MBP: variants seen among roughly 807,000 people sequenced by gnomAD.
MBP encodes Golli-MBP.
Under a neutral mutation model 35.8 loss-of-function variants are expected in MBP, and 16 were observed. The ratio of observed to expected loss-of-function variants is 0.45; its 90% CI spans 0.30 to 0.68. The LOEUF is 0.68. Ranked by LOEUF, MBP falls within the 30% of genes least tolerant of loss-of-function variation. MBP has a pLI of 0.08. For missense variants in MBP, 380 were observed against 404.7 expected (o/e 0.94, Z 0.52); for synonymous variants, 143 against 159.6 (o/e 0.90, Z 0.78).
chr18:77,106,255 A>G (rs541894129), intron 1 of MBP, among the ~76,000 whole-genome samples: 15 of 152,300 alleles, frequency 9.8e-5, no homozygotes, highest in African/African-American at 3.1e-4. Flanking sequence ...CCCGAACACA[A>G]TGCAAATTGT....
At chr18:77,089,518 CAGCAGGGG>C (rs1975416263) in intron 2 of MBP, among the ~76,000 whole-genome samples, 3 of 152,218 alleles carry the variant, frequency 2.0e-5, no homozygotes, top group African/African-American at 7.2e-5. Flanking sequence ...CCCTGAGGGG[CAGCAGGGG>C]TTCTCCCACA....
intron 3 of MBP, among the ~76,000 whole-genome samples, chr18:77,036,120 A>G (rs1972755670): frequency 1.3e-5 from 2 of 151,376 alleles, no homozygotes; most frequent in Non-Finnish European, 2.9e-5. Flanking sequence ...AGTGCTGGTC[A>G]CATTTTGGAG....
intron 1 of MBP, chr18:77,115,069 G>T (rs1232500755): frequency 2.0e-5 from 3 of 152,274 alleles, no homozygotes; most frequent in Non-Finnish European, 4.4e-5. Context: ...AAACTGTCAA[G>T]TCAGAGGAAC....
At chr18:77,093,522 G>A (rs1207987722) in intron 2 of MBP, 1 of 152,152 alleles carries the variant, frequency 6.6e-6, no homozygotes, top group Non-Finnish European at 1.5e-5. Flanking sequence ...AAAGGTCACC[G>A]TTTATCAGAT....
chr18:77,131,793 G>A lies in MBP; in HGVS notation c.-26+787C>T, dbSNP rs1203358528. On this transcript the variant is annotated intron_variant, in intron 1 of 8. Transcript: ENST00000355994. This position sits in a 1 kb window ranked among gnomAD's most constrained non-coding sequence, Gnocchi z 5.5. ...CGGAAAACGGACGCACCCGGCCCAG[G>A]ACAGGCAGTGGGGCCCAGGAGGGGA... 6 of 152,330 alleles carry A rather than the reference G, an allele frequency of 3.9e-5. No homozygotes were observed. Among genetic ancestry groups the A allele is most frequent in the Admixed American group, 3.3e-4 (5 of 15,278 alleles). The allele number at this position is 152,330 out of a possible 1,614,324, so 9.4% of individuals were successfully genotyped here.
intron 2 of MBP, chr18:77,087,383 C>A (rs1157305348): frequency 1.3e-5 from 2 of 152,270 alleles, no homozygotes; most frequent in Non-Finnish European, 2.9e-5. Flanking sequence ...TCCCCACTCC[C>A]ATTTTTTTCT....
chr18:77,047,330 C>T (rs1037448430), intron 3 of MBP, among the ~76,000 whole-genome samples: 1 of 152,200 alleles, frequency 6.6e-6, no homozygotes, highest in Non-Finnish European at 1.5e-5. Flanking sequence ...CACTAGCGTG[C>T]GCTACTCCAT....
intron 4 of MBP, chr18:77,004,586 T>C (rs1970815865): frequency 6.6e-6 from 1 of 152,248 alleles, no homozygotes; most frequent in African/African-American, 2.4e-5. Context: ...CTTTTCTCTA[T>C]GTCTGAAAAA....
At chr18:77,081,853 TA>T (rs1568330061) in intron 2 of MBP, among the ~76,000 whole-genome samples, 129 of 15,830 alleles carry the variant, frequency 8.1e-3, no homozygotes, top group Middle Eastern at 0.024. Flanking sequence ...TATATATATA[TA>T]TATTTTTTTT....
chr18:77,079,319 G>A (rs1308360373), intron 2 of MBP, among the ~76,000 whole-genome samples: 2 of 152,240 alleles, frequency 1.3e-5, no homozygotes, highest in African/African-American at 2.4e-5. Context: ...CACCTGGCGG[G>A]CACTGGGCAG....
intron 2 of MBP, among the ~76,000 whole-genome samples, chr18:77,078,216 T>C (rs562566159): frequency 6.6e-6 from 1 of 152,364 alleles, no homozygotes; most frequent in South Asian, 2.1e-4. Flanking sequence ...GTGAGTCACT[T>C]TCCAGGTCAT....
intron 3 of MBP, among the ~76,000 whole-genome samples, chr18:77,050,807 A>G (rs1568313306): frequency 1.3e-5 from 2 of 152,156 alleles, no homozygotes; most frequent in East Asian, 3.9e-4. Context: ...CGGACTCCCA[A>G]AGTGCTGGGA....
intron 3 of MBP, among the ~76,000 whole-genome samples, chr18:77,054,385 C>T (rs1012386428): frequency 1.1e-4 from 16 of 152,222 alleles, no homozygotes; most frequent in East Asian, 9.6e-4. Flanking sequence ...AGAGCTTGTG[C>T]TTCAGCCACA....
chr18:77,055,621 C>A (rs557297444), intron 3 of MBP, among the ~76,000 whole-genome samples: 1 of 147,870 alleles, frequency 6.8e-6, no homozygotes, highest in South Asian at 2.1e-4. Context: ...CTTTTTTTAA[C>A]CTAGTAATTG....
rs1969812403 is a variant in MBP at position 76,990,114 on chromosome 18, GTCC to G, written c.577-57_577-55del. On this transcript the variant is annotated intron_variant, in intron 4 of 8. Coordinates refer to ENST00000355994, the MANE Select transcript of MBP (RefSeq NM_001025101.2). ...GACAAGTCCACAGTCCCTGCGGCTT[GTCC>G]TCCTCAGGGAAGCTGGATCTCTCCT... The G allele has an allele frequency of 2.1e-5, 25 of 1,190,116 alleles. No homozygotes were observed. In the South Asian group the frequency reaches 3.1e-4, roughly 15 times the overall value. 73.7% of individuals were successfully genotyped at this position (1,190,116 alleles called of 1,614,324 possible). A position where few individuals can be genotyped will look rare whatever the true frequency, so the allele number is the denominator to read the frequency against.
intron 2 of MBP, among the ~76,000 whole-genome samples, chr18:77,084,524 C>T (rs766257214): frequency 1.7e-4 from 26 of 151,682 alleles, no homozygotes; most frequent in African/African-American, 5.6e-4. Flanking sequence ...CAGCTGGCAC[C>T]GCCCTTGCTA....
At chr18:77,008,900 T>G (rs1033949744) in intron 4 of MBP, among the ~76,000 whole-genome samples, 2 of 152,220 alleles carry the variant, frequency 1.3e-5, no homozygotes, top group Non-Finnish European at 2.9e-5. Context: ...CTGTGCTCCT[T>G]GCTGAGTGTA....
At position 77,044,514 on chromosome 18, in the gene MBP, C is replaced by T. The variant is rs545706254; in HGVS notation, c.139+21784G>A. Among the ~76,000 whole-genome samples, 3 of 152,136 alleles carry T rather than the reference C, an allele frequency of 2.0e-5. No homozygotes were observed. The highest frequency in any genetic ancestry group is 6.5e-5 in the Admixed American group (1 of 15,278). On this transcript the variant is annotated intron_variant, in intron 3 of 8. Coordinates refer to ENST00000355994, the MANE Select transcript of MBP (RefSeq NM_001025101.2). This position sits in a 1 kb window ranked among gnomAD's most constrained non-coding sequence, Gnocchi z 4.4. ...CCCTGTACAGGCCTTCCTGACCCCT[C>T]GTCCCTGGAAAGCCCTCTCCAGGGC...
intron 3 of MBP, among the ~76,000 whole-genome samples, chr18:77,051,979 G>A (rs1038717116): frequency 6.6e-6 from 1 of 152,140 alleles, no homozygotes; most frequent in African/African-American, 2.4e-5. Flanking sequence ...TCTCTCATTG[G>A]AACAAGTGGG....
Sources: allele counts gnomAD v4.1 joint callset (sites outside exome capture counted in the v4.1 genomes callset), GRCh38; gene constraint gnomAD v4.1.1; non-coding constraint Gnocchi (gnomAD v3.1); transcripts MANE v1.5; gene names NCBI Gene and HGNC (gene_info 2026-07-23, HGNC 2026-07-21).